Variants in XXYLT1 observed in about 807,000 individuals in gnomAD.
XXYLT1 encodes the protein xyloside xylosyltransferase 1.
Under a neutral mutation model 28.9 loss-of-function variants are expected in XXYLT1, and 20 were observed. The ratio of observed to expected loss-of-function variants is 0.69; its 90% CI spans 0.49 to 1.00. XXYLT1 has a LOEUF of 1.00. XXYLT1 is among the 50% of genes least tolerant of loss of function. XXYLT1 has a pLI of 0.00. For synonymous variants in XXYLT1, 257 were observed against 253.8 expected, an observed-to-expected ratio of 1.01 and a Z score of -0.12; for missense variants, 542 against 560.1, an observed-to-expected ratio of 0.97 and a Z score of 0.33.
chr3:195,079,299 A>T (rs1216361469), intron 3 of XXYLT1, among the ~76,000 whole-genome samples: 1 of 152,178 alleles, frequency 6.6e-6, no homozygotes, highest in South Asian at 2.1e-4. Context: ...AGGGAGCCAG[A>T]TGGCACCTAG....
In XXYLT1 at chr3:195,180,543, G is replaced by A. The variant is rs1022812497; in HGVS notation, c.653-23962C>T. On this transcript the variant is annotated intron_variant, in intron 2 of 3. Coordinates refer to ENST00000310380, the MANE Select transcript of XXYLT1 (RefSeq NM_152531.5). This position sits in a 1 kb window ranked among gnomAD's most constrained non-coding sequence, Gnocchi z 5.8. ...TGAAAAGAAGCAAACAAACAGATAA[G>A]GGTCAGCATCTGAGGCCAGACCCTA... 2.0e-6 allele frequency: 2 copies of A among 985,374 alleles called. No homozygotes were observed. Among genetic ancestry groups the A allele is most frequent in the Non-Finnish European group, 2.4e-6 (2 of 829,976 alleles). 61.0% of individuals were successfully genotyped at this position (985,374 alleles called of 1,614,324 possible).
chr3:195,122,053 C>G (rs1381862916), intron 3 of XXYLT1: 1 of 702,996 alleles, frequency 1.4e-6, no homozygotes, highest in Admixed American at 2.0e-5. Context: ...AGTCCAAGAC[C>G]AACGTGCCCA....
At chr3:195,175,913 A>G in intron 2 of XXYLT1, 1 of 1,403,966 alleles carries the variant, frequency 7.1e-7, no homozygotes, top group East Asian at 2.6e-5. Flanking sequence ...AAAATTATGT[A>G]TGAAGTCACA....
chr3:195,242,228 G>A (rs1202319997), intron 1 of XXYLT1, among the ~76,000 whole-genome samples: 2 of 152,172 alleles, frequency 1.3e-5, no homozygotes, highest in Admixed American at 6.5e-5. Context: ...TCTCCCCCGG[G>A]CATGTCATGT....
chr3:195,199,607 T>A (rs1031995267), intron 2 of XXYLT1, among the ~76,000 whole-genome samples: 1 of 150,802 alleles, frequency 6.6e-6, no homozygotes, highest in African/African-American at 2.5e-5. Context: ...TGAGACTCGG[T>A]CTCAAAAGAA....
At chr3:195,249,425 C>T (rs768294074) in intron 1 of XXYLT1, among the ~76,000 whole-genome samples, 2 of 152,192 alleles carry the variant, frequency 1.3e-5, no homozygotes, top group African/African-American at 2.4e-5. Context: ...GCGCATGGCA[C>T]GTGACAGGCA....
intron 3 of XXYLT1, among the ~76,000 whole-genome samples, chr3:195,082,249 G>A (rs1454082446): frequency 6.6e-6 from 1 of 152,176 alleles, no homozygotes. Flanking sequence ...CTTTTGCAGA[G>A]TCCTTAGGTT....
intron 2 of XXYLT1, among the ~76,000 whole-genome samples, chr3:195,183,015 TGAG>T (rs1722026122): frequency 6.6e-6 from 1 of 152,256 alleles, no homozygotes; most frequent in African/African-American, 2.4e-5. Context: ...TAAAGCCTTG[TGAG>T]GTGCATGTTC....
chr3:195,133,694 G>A lies in XXYLT1; in HGVS notation c.785+22755C>T, dbSNP rs965291592. ...AGCATTGTATACAGTCACGCACCAC[G>A]TGACGACGTTGCAGTCAACGACAGA... On this transcript the variant is annotated intron_variant, in intron 3 of 3. Coordinates refer to ENST00000310380, the MANE Select transcript of XXYLT1 (RefSeq NM_152531.5). The surrounding 1 kb of genome is among the most constrained non-coding windows in gnomAD (Gnocchi z 4.4). Among the ~76,000 whole-genome samples, 2 of 152,138 alleles carry A rather than the reference G, an allele frequency of 1.3e-5. No homozygotes were observed. Among genetic ancestry groups the A allele is most frequent in the Admixed American group, 6.6e-5 (1 of 15,260 alleles).
intron 3 of XXYLT1, among the ~76,000 whole-genome samples, chr3:195,105,552 G>A (rs945555415): frequency 6.6e-6 from 1 of 152,258 alleles, no homozygotes; most frequent in Non-Finnish European, 1.5e-5. Context: ...TCTGTTCAAA[G>A]GTATGTGAGT....
At chr3:195,110,986 C>A (rs574358843) in intron 3 of XXYLT1, among the ~76,000 whole-genome samples, 1 of 146,884 alleles carries the variant, frequency 6.8e-6, no homozygotes, top group Admixed American at 6.9e-5. Context: ...AGGGCTGCCA[C>A]GACAAAGTAC....
At chr3:195,112,152 G>A (rs1434983699) in intron 3 of XXYLT1, among the ~76,000 whole-genome samples, 6 of 152,176 alleles carry the variant, frequency 3.9e-5, no homozygotes, top group Admixed American at 1.3e-4. Context: ...ATTTCTAGCC[G>A]TCAGGAGGGC....
chr3:195,089,724 A>C (rs1716024319), intron 3 of XXYLT1, among the ~76,000 whole-genome samples: 1 of 151,532 alleles, frequency 6.6e-6, no homozygotes, highest in African/African-American at 2.4e-5. Context: ...TAAAAGACAC[A>C]GACTGGCAAA....
intron 2 of XXYLT1, among the ~76,000 whole-genome samples, chr3:195,196,895 A>C (rs1384836215): frequency 6.6e-6 from 1 of 152,158 alleles, no homozygotes; most frequent in South Asian, 2.1e-4. Context: ...AGCACATTTG[A>C]GGACAGGCAG....
intron 2 of XXYLT1, among the ~76,000 whole-genome samples, chr3:195,157,011 G>A (rs1022115904): frequency 1.3e-5 from 2 of 152,114 alleles, no homozygotes; most frequent in South Asian, 2.1e-4. Flanking sequence ...TTGGGAGGCC[G>A]AGGCGGGTAG....
At chr3:195,151,520 ACT>A (rs1720250166) in intron 3 of XXYLT1, among the ~76,000 whole-genome samples, 1 of 151,804 alleles carries the variant, frequency 6.6e-6, no homozygotes, top group Admixed American at 6.6e-5. Context: ...ACAGAGAGAG[ACT>A]CTGTCTTTAA....
chr3:195,083,660 T>G (rs1317904028), intron 3 of XXYLT1, among the ~76,000 whole-genome samples: 1 of 152,240 alleles, frequency 6.6e-6, no homozygotes, highest in Non-Finnish European at 1.5e-5. Flanking sequence ...ATGTACATTA[T>G]CTCAATTCCT....
chr3:195,156,650 ATG>A, intron 2 of XXYLT1, 69 bp from the exon 3 acceptor site: 1 of 1,580,930 alleles, frequency 6.3e-7, no homozygotes, highest in Non-Finnish European at 8.6e-7. Flanking sequence ...CGGACAGAAA[ATG>A]AAGTGGAGGG....
chr3:195,081,113 C>T (rs550754544), intron 3 of XXYLT1, among the ~76,000 whole-genome samples: 1 of 152,328 alleles, frequency 6.6e-6, no homozygotes, highest in East Asian at 1.9e-4. Context: ...GGTGGGCAGC[C>T]CTTCTCAGAT....
Sources: gnomAD v4.1 joint callset for allele counts (sites outside exome capture counted in the v4.1 genomes callset) on GRCh38, gnomAD v4.1.1 for gene constraint, Gnocchi (gnomAD v3.1) non-coding constraint, MANE v1.5 for transcripts, NCBI Gene and HGNC (gene_info 2026-07-23, HGNC 2026-07-21) for gene names.